Variants in NALF1 observed in about 807,000 individuals in gnomAD.
The protein encoded by NALF1 is family with sequence similarity 155 member A.
NALF1 carries 3 observed loss-of-function variants against 48.4 expected under a neutral mutation model. The observed-to-expected ratio is 0.06, with a 90% CI of 0.03 to 0.16. NALF1 has a LOEUF of 0.16. Ranked by LOEUF, NALF1 falls within the 10% of genes least tolerant of loss-of-function variation. The pLI is 1.00. For synonymous variants in NALF1, 262 were observed against 245.7 expected (o/e 1.07, Z -0.62); for missense variants, 526 against 571.5 (o/e 0.92, Z 0.81).
At chr13:107,357,585 G>A (rs928467115) in intron 1 of NALF1, among the ~76,000 whole-genome samples, 9 of 152,252 alleles carry the variant, frequency 5.9e-5, no homozygotes, top group African/African-American at 2.2e-4. Context: ...ATTACTTCTA[G>A]TTGAGGGACC....
At chr13:107,781,578 G>A (rs1877889569) in intron 1 of NALF1, among the ~76,000 whole-genome samples, 1 of 151,470 alleles carries the variant, frequency 6.6e-6, no homozygotes, top group African/African-American at 2.4e-5. Flanking sequence ...TTGAGAGCTT[G>A]ATGTTTGGTC....
intron 1 of NALF1, among the ~76,000 whole-genome samples, chr13:107,823,508 G>A (rs545154049): frequency 4.7e-4 from 72 of 152,090 alleles, no homozygotes; most frequent in Non-Finnish European, 7.9e-4. Flanking sequence ...TTGCCTCTGC[G>A]TACCCCTCCA....
chr13:107,175,857 C>A (rs142874040), intron 2 of NALF1, among the ~76,000 whole-genome samples: 1 of 152,240 alleles, frequency 6.6e-6, no homozygotes, highest in East Asian at 1.9e-4. Context: ...TTCTCAGGCC[C>A]TAGGCAGCCT....
intron 1 of NALF1, among the ~76,000 whole-genome samples, chr13:107,373,052 GA>G (rs1286997757): frequency 1.3e-5 from 2 of 152,106 alleles, no homozygotes; most frequent in Non-Finnish European, 2.9e-5. Flanking sequence ...ATCCCTTTGG[GA>G]TTAGTTCATG....
At chr13:107,505,589 G>C (rs1353856492) in intron 1 of NALF1, among the ~76,000 whole-genome samples, 1 of 152,136 alleles carries the variant, frequency 6.6e-6, no homozygotes, top group Non-Finnish European at 1.5e-5. Flanking sequence ...TGCAATGCGT[G>C]GCCTGACAAC....
chr13:107,775,102 T>A (rs1347409079), intron 1 of NALF1, among the ~76,000 whole-genome samples: 1 of 152,158 alleles, frequency 6.6e-6, no homozygotes, highest in Non-Finnish European at 1.5e-5. Context: ...ATGTGCACAA[T>A]GTGCACGTTA....
chr13:107,318,750 G>A (rs1056908508), intron 1 of NALF1, among the ~76,000 whole-genome samples: 2 of 152,016 alleles, frequency 1.3e-5, no homozygotes, highest in Non-Finnish European at 2.9e-5. Flanking sequence ...CTATGCACAA[G>A]AATGTTCATG....
At chr13:107,173,073 A>G (rs548277085) in intron 2 of NALF1, among the ~76,000 whole-genome samples, 1 of 152,356 alleles carries the variant, frequency 6.6e-6, no homozygotes, top group South Asian at 2.1e-4. Flanking sequence ...AAAATAACAA[A>G]AAAAATCCTC....
chr13:107,473,694 T>C (rs1217573810), intron 1 of NALF1, among the ~76,000 whole-genome samples: 1 of 152,180 alleles, frequency 6.6e-6, no homozygotes, highest in Non-Finnish European at 1.5e-5. Flanking sequence ...TAGATTCTCA[T>C]AGTCTTCATT....
At chr13:107,814,004 G>T (rs560913079) in intron 1 of NALF1, among the ~76,000 whole-genome samples, 2 of 152,184 alleles carry the variant, frequency 1.3e-5, no homozygotes, top group African/African-American at 2.4e-5. Context: ...ATAATAGGGG[G>T]AGTACAAAGA....
At chr13:107,660,436 AACACAC>A (rs201215515) in intron 1 of NALF1, among the ~76,000 whole-genome samples, 5,040 of 93,546 alleles carry the variant, frequency 0.054, 199 homozygotes, top group East Asian at 0.2. Context: ...CTGTCTCAAA[AACACAC>A]ACACACACAC....
intron 1 of NALF1, among the ~76,000 whole-genome samples, chr13:107,294,659 G>A (rs1343142833): frequency 6.6e-6 from 1 of 152,186 alleles, no homozygotes; most frequent in Non-Finnish European, 1.5e-5. Flanking sequence ...GGAAACTGAG[G>A]CAAAGAGAGC....
chr13:107,199,857 G>A (rs1428099801), intron 2 of NALF1, among the ~76,000 whole-genome samples: 1 of 152,196 alleles, frequency 6.6e-6, no homozygotes, highest in Admixed American at 6.5e-5. Context: ...CCCCTTCACA[G>A]CATTGCCACA....
At chr13:107,688,781 T>C (rs1881499778) in intron 1 of NALF1, among the ~76,000 whole-genome samples, 1 of 152,084 alleles carries the variant, frequency 6.6e-6, no homozygotes, top group African/African-American at 2.4e-5. Flanking sequence ...AATCAGAAAT[T>C]TCAATGCATG....
chr13:107,669,370 GA>G (rs1383067596), intron 1 of NALF1, among the ~76,000 whole-genome samples: 2 of 152,074 alleles, frequency 1.3e-5, no homozygotes, highest in Non-Finnish European at 1.5e-5. Context: ...TAGAAAATGT[GA>G]AACTCAGAAT....
chr13:107,461,875 A>T (rs1008905682), intron 1 of NALF1, among the ~76,000 whole-genome samples: 5 of 152,230 alleles, frequency 3.3e-5, no homozygotes, highest in Non-Finnish European at 7.3e-5. Context: ...AATTGAACTA[A>T]GAAAACAAAC....
At chr13:107,692,844 G>C (rs1372755553) in intron 1 of NALF1, among the ~76,000 whole-genome samples, 1 of 152,140 alleles carries the variant, frequency 6.6e-6, no homozygotes, top group Non-Finnish European at 1.5e-5. Flanking sequence ...TGAACAACTA[G>C]AAGAGCAGGA....
At chr13:107,281,899 C>A (rs1417731190) in intron 1 of NALF1, among the ~76,000 whole-genome samples, 1 of 152,128 alleles carries the variant, frequency 6.6e-6, no homozygotes, top group African/African-American at 2.4e-5. Context: ...TATCACGGGG[C>A]AGCCTGGGGG....
chr13:107,730,058 T>A (rs921831537), intron 1 of NALF1, among the ~76,000 whole-genome samples: 13 of 152,160 alleles, frequency 8.5e-5, no homozygotes, highest in African/African-American at 3.1e-4. Context: ...CTACAACATC[T>A]CTTCTCTAAG....
Sources: gnomAD v4.1 joint callset for allele counts (sites outside exome capture counted in the v4.1 genomes callset) on GRCh38, gnomAD v4.1.1 for gene constraint, MANE v1.5 for transcripts, NCBI Gene and HGNC (gene_info 2026-07-23, HGNC 2026-07-21) for gene names.